Variants in HLF observed in about 807,000 individuals in gnomAD.
The protein encoded by HLF is HLF transcription factor, PAR bZIP family member.
In HLF, 3 loss-of-function variants were observed where a neutral mutation model predicts 22.6. The observed-to-expected ratio is 0.13, with a 90% CI of 0.06 to 0.34. The LOEUF (loss-of-function observed/expected upper bound fraction) is 0.34, where lower values mean the gene tolerates loss of function less well. Ranked by LOEUF, HLF falls within the 10% of genes least tolerant of loss-of-function variation. HLF has a pLI of 1.00. For synonymous variants in HLF, 151 were observed against 151.8 expected (o/e 0.99, Z 0.04); for missense variants, 299 against 389.2 (o/e 0.77, Z 1.95).
chr17:55,306,378 C>A (rs555088254), intron 2 of HLF, among the ~76,000 whole-genome samples: 1 of 152,240 alleles, frequency 6.6e-6, no homozygotes, highest in South Asian at 2.1e-4. Context: ...ATGCTTTACC[C>A]ATATTTCTGT....
At chr17:55,298,525 G>A (rs2081129476) in intron 2 of HLF, among the ~76,000 whole-genome samples, 1 of 152,116 alleles carries the variant, frequency 6.6e-6, no homozygotes. Context: ...GAGACAGATG[G>A]GTTTAGCTTG....
chr17:55,277,232 G>A (rs1418595925), intron 2 of HLF, among the ~76,000 whole-genome samples: 2 of 54,784 alleles, frequency 3.7e-5, no homozygotes, highest in Non-Finnish European at 7.5e-5. Context: ...TGAACCAGAT[G>A]TTATGTGTAT....
intron 2 of HLF, among the ~76,000 whole-genome samples, chr17:55,301,751 G>A (rs1178032209): frequency 6.6e-6 from 1 of 152,218 alleles, no homozygotes; most frequent in Non-Finnish European, 1.5e-5. Flanking sequence ...TTTGATCATG[G>A]TGGCGATACT....
In HLF at chr17:55,320,882, T is replaced by G; in HGVS notation, c.*3T>G. On this transcript the variant is annotated 3_prime_UTR_variant, in exon 4 of 4. Coordinates refer to ENST00000226067, the MANE Select transcript of HLF (RefSeq NM_002126.5). The surrounding 1 kb of genome is among the most constrained non-coding windows in gnomAD (Gnocchi z 4.2). ...AGGCCAGGCACGGGCCCCTGTAGGA[T>G]GGCATTTTTGCAGGCTGGCTTTGGA... The G allele has an allele frequency of 6.2e-7, 1 of 1,607,680 alleles. No homozygotes were observed. The highest frequency in any genetic ancestry group is 1.1e-5 in the South Asian group (1 of 89,762).
intron 2 of HLF, among the ~76,000 whole-genome samples, chr17:55,278,050 TAA>T (rs2080922114): frequency 6.6e-6 from 1 of 152,196 alleles, no homozygotes; most frequent in Admixed American, 6.5e-5. Context: ...ACAGGGTTCG[TAA>T]AAGTTTCGTT....
intron 2 of HLF, among the ~76,000 whole-genome samples, chr17:55,288,674 T>C (rs2081029825): frequency 6.6e-6 from 1 of 151,478 alleles, no homozygotes; most frequent in Admixed American, 6.6e-5. Flanking sequence ...GAGGATCGCT[T>C]GAGCCCAGGA....
intron 2 of HLF, among the ~76,000 whole-genome samples, chr17:55,281,966 T>C (rs1360690870): frequency 6.6e-6 from 1 of 152,194 alleles, no homozygotes; most frequent in Non-Finnish European, 1.5e-5. Flanking sequence ...GTGGGGCCCT[T>C]TAGTCACCAA....
In HLF at chr17:55,265,699, C is replaced by A; in HGVS notation, c.115+100C>A. ...CTGGAGCATCCCCCAACCCCGCTCC[C>A]GCCCTGTCCCGCGGCGCCCCGGCCC... is the stretch of plus-strand genomic sequence containing the variant. On this transcript the variant is annotated intron_variant, in intron 1 of 3. Transcript: ENST00000226067. 7 of 1,077,254 alleles carry A rather than the reference C, an allele frequency of 6.5e-6. No individual in the cohort carries two copies. In the South Asian group the frequency reaches 8.8e-5, roughly 14 times the overall value. The allele number at this position is 1,077,254 out of a possible 1,614,324, so 66.7% of individuals were successfully genotyped here. A position where few individuals can be genotyped will look rare whatever the true frequency, so the allele number is the denominator to read the frequency against.
intron 2 of HLF, among the ~76,000 whole-genome samples, chr17:55,314,843 A>G (rs1904999899): frequency 6.6e-6 from 1 of 152,292 alleles, no homozygotes; most frequent in East Asian, 1.9e-4. Context: ...CTAACTGGCT[A>G]GTTATTGGTC....
chr17:55,280,213 G>A (rs1279986029), intron 2 of HLF, among the ~76,000 whole-genome samples: 2 of 152,200 alleles, frequency 1.3e-5, no homozygotes, highest in African/African-American at 4.8e-5. Context: ...TTGTGTTACA[G>A]CAATGCTATA....
At position 55,265,430 on chromosome 17, in the gene HLF, C is replaced by A; in HGVS notation, c.-55C>A. On this transcript the variant is annotated 5_prime_UTR_variant, in exon 1 of 4. Coordinates refer to ENST00000226067, the MANE Select transcript of HLF (RefSeq NM_002126.5). ...AAAAGCTCAGCAACATTTTAGGGGGCGGTTGTTTCTTTCTTATTTCTTTTT... is the reference window on the plus strand; with the variant it reads ...AAAAGCTCAGCAACATTTTAGGGGGAGGTTGTTTCTTTCTTATTTCTTTTT... The A allele has an allele frequency of 3.0e-6, 2 of 673,766 alleles. No homozygotes were observed. The highest frequency in any genetic ancestry group is 2.4e-6 in the Non-Finnish European group (1 of 417,698). 41.7% of individuals were successfully genotyped at this position (673,766 alleles called of 1,614,324 possible). A position where few individuals can be genotyped will look rare whatever the true frequency, so the allele number is the denominator to read the frequency against.
Position 55,320,694 on chromosome 17 carries a change from A to C in HLF, c.703A>C (p.Asn235His). 6.2e-7 allele frequency: 1 copy of C among 1,614,206 alleles called. No individual in the cohort carries two copies. Among genetic ancestry groups the C allele is most frequent in the Non-Finnish European group, 8.5e-7 (1 of 1,180,026 alleles). The change falls in exon 4 of 4, where the codon AAC becomes CAC. Residue 235 changes from asparagine to histidine, a missense_variant. Around this residue, in one of 3 missense-constraint regions of HLF, gnomAD observed 224 missense variants for 298.1 expected, o/e 0.75. Transcript: ENST00000226067. This position sits in a 1 kb window ranked among gnomAD's most constrained non-coding sequence, Gnocchi z 4.2. ...DDKYWARRRK[N>H]NMAAKRSRDA... is the part of the protein sequence containing the mutation. The stretch of plus-strand genomic sequence containing the variant: ...CAAGTACTGGGCAAGGCGCAGAAAG[A>C]ACAACATGGCAGCCAAGCGCTCCCG...
chr17:55,315,334 A>G lies in HLF; in HGVS notation c.559A>G (p.Ile187Val), dbSNP rs368230625. ...CCCAGCAGATCTTGCCCTTTCCAGC[A>G]TCCCTGGCCAGGAAATGTTTGACCC... ...PDPADLALSS[I>V]PGQEMFDPRK... Residue 187 changes from isoleucine (I) to valine (V), a missense_variant, in exon 3 of 4, where the codon ATC becomes GTC. By Grantham distance (29) the Ile-to-Val change is conservative. This residue lies in a region of HLF where 224 missense variants were observed against 298.1 expected (regional missense o/e 0.75). Transcript: ENST00000226067. The G allele has an allele frequency of 2.8e-5, 46 of 1,614,070 alleles. No homozygotes were observed. Among genetic ancestry groups the G allele is most frequent in the Non-Finnish European group, 3.6e-5 (42 of 1,180,024 alleles).
At chr17:55,289,522 C>A (rs1239419728) in intron 2 of HLF, among the ~76,000 whole-genome samples, 2 of 152,136 alleles carry the variant, frequency 1.3e-5, no homozygotes, top group African/African-American at 4.8e-5. Context: ...AAATAACACC[C>A]CTCTTGCCAA....
At chr17:55,310,687 A>C (rs566158197) in intron 2 of HLF, among the ~76,000 whole-genome samples, 1 of 152,336 alleles carries the variant, frequency 6.6e-6, no homozygotes, top group Non-Finnish European at 1.5e-5. Flanking sequence ...AAAGGATGCC[A>C]CCTCTGTCTA....
At position 55,322,974 on chromosome 17, in the gene HLF, C is replaced by G. The variant is rs1905313289; in HGVS notation, c.*2095C>G. The stretch of plus-strand genomic sequence containing the variant: ...AACATTTTACGCTAGATTAAAATAT[C>G]CTTTCATCAATGGGATTTTCTAGTT... On this transcript the variant is annotated 3_prime_UTR_variant, in exon 4 of 4. Transcript: ENST00000226067. The G allele has an allele frequency of 9.0e-6, 2 of 223,082 alleles. No homozygotes were observed. Among genetic ancestry groups the G allele is most frequent in the Admixed American group, 5.7e-5 (1 of 17,436 alleles). 13.8% of individuals were successfully genotyped at this position (223,082 alleles called of 1,614,324 possible).
At chr17:55,267,333 CTGCTGTGA>C (rs1269375305) in intron 1 of HLF, among the ~76,000 whole-genome samples, 3 of 152,210 alleles carry the variant, frequency 2.0e-5, no homozygotes, top group Non-Finnish European at 4.4e-5. Context: ...CCTCCTATTG[CTGCTGTGA>C]TGAATTCCTG....
At chr17:55,295,846 G>A (rs2081107376) in intron 2 of HLF, among the ~76,000 whole-genome samples, 2 of 152,198 alleles carry the variant, frequency 1.3e-5, no homozygotes, top group Non-Finnish European at 2.9e-5. Flanking sequence ...CAGGGAAATA[G>A]CGTGGAGGAG....
At chr17:55,269,890 C>G (rs2270378) in intron 2 of HLF, among the ~76,000 whole-genome samples, 16,128 of 152,202 alleles carry the variant, frequency 0.11, 1,348 homozygotes, top group East Asian at 0.24. Flanking sequence ...TTGTAATCAA[C>G]TGACAAGTAT....
Sources: gnomAD v4.1 joint callset for allele counts (sites outside exome capture counted in the v4.1 genomes callset) on GRCh38, gnomAD v4.1.1 for gene constraint, gnomAD v4.1.1 regional missense constraint, Gnocchi (gnomAD v3.1) non-coding constraint, MANE v1.5 for transcripts, NCBI Gene and HGNC (gene_info 2026-07-23, HGNC 2026-07-21) for gene names.